The following PPARGC1A variants were observed in gnomAD, a reference collection of about 807,000 sequenced individuals.
The protein encoded by PPARGC1A is peroxisome proliferator-activated receptor gamma coactivator 1-alpha.
PPARGC1A carries 25 observed loss-of-function variants against 88.7 expected under a neutral mutation model. That is an observed-to-expected ratio of 0.28 (90% CI 0.21 to 0.39). PPARGC1A has a LOEUF of 0.39. Among genes scored for constraint, PPARGC1A ranks in the 10% least tolerant of loss-of-function variants. The pLI is 1.00. For missense variants in PPARGC1A, 880 were observed against 968.7 expected (o/e 0.91, Z 1.22); for synonymous variants, 363 against 355.6 (o/e 1.02, Z -0.24).
the PPARGC1A span, among the ~76,000 whole-genome samples, chr4:24,171,990 T>C: frequency 3.3e-5 from 5 of 152,246 alleles, no homozygotes; most frequent in African/African-American, 4.8e-5. Context: ...CTTTCCATAA[T>C]GTAAGTGTTC....
At chr4:23,844,116 G>T (rs960270814) in intron 2 of PPARGC1A, among the ~76,000 whole-genome samples, 2 of 150,494 alleles carry the variant, frequency 1.3e-5, no homozygotes, top group African/African-American at 4.9e-5. Context: ...TGAAAGGATG[G>T]CAGATAATAA....
the PPARGC1A span, among the ~76,000 whole-genome samples, chr4:24,037,762 G>T: frequency 6.6e-6 from 1 of 152,128 alleles, no homozygotes; most frequent in African/African-American, 2.4e-5. Flanking sequence ...ATGACATGCT[G>T]TGTAAATATA....
intron 10 of PPARGC1A, among the ~76,000 whole-genome samples, chr4:23,804,721 A>T (rs944174687): frequency 1.3e-5 from 2 of 152,100 alleles, no homozygotes; most frequent in Non-Finnish European, 2.9e-5. Context: ...AGCTTCTATT[A>T]GTCTAGTATA....
chr4:23,818,839 CTTTTTTTTT>C (rs762478316), intron 7 of PPARGC1A, among the ~76,000 whole-genome samples: 81 of 49,030 alleles, frequency 1.7e-3, no homozygotes, highest in African/African-American at 5.8e-3. Flanking sequence ...CCAATGGCAT[CTTTTTTTTT>C]TTTTTTTTTT....
the PPARGC1A span, among the ~76,000 whole-genome samples, chr4:24,439,677 G>A: frequency 6.6e-6 from 1 of 152,310 alleles, no homozygotes; most frequent in Admixed American, 6.5e-5. Flanking sequence ...ATTAGAAAGC[G>A]TCTCAACAGT....
At chr4:23,867,037 G>A (rs754171719) in intron 2 of PPARGC1A, among the ~76,000 whole-genome samples, 15 of 152,150 alleles carry the variant, frequency 9.9e-5, no homozygotes, top group Non-Finnish European at 1.6e-4. Flanking sequence ...GAGGTGGGAA[G>A]TGCAGTTTGC....
At chr4:23,895,968 GTGTGTGTGTGTGTATATATA>G (rs1483321280) in intron 1 of PPARGC1A, among the ~76,000 whole-genome samples, 45 of 47,648 alleles carry the variant, frequency 9.4e-4, no homozygotes, top group Non-Finnish European at 1.4e-3. Flanking sequence ...GTGTGTGTGT[GTGTGTGTGTGTGTATATATA>G]TATACACACA....
At chr4:24,274,615 C>T in the PPARGC1A span, among the ~76,000 whole-genome samples, 3 of 152,166 alleles carry the variant, frequency 2.0e-5, no homozygotes, top group East Asian at 5.8e-4. Context: ...TTTTATTCAA[C>T]CATTTAAACA....
chr4:24,090,925 A>G, the PPARGC1A span, among the ~76,000 whole-genome samples: 15 of 152,240 alleles, frequency 9.9e-5, no homozygotes, highest in African/African-American at 3.6e-4. Context: ...CTGCTTCTAC[A>G]CCAAAATGAA....
chr4:24,376,877 T>G, the PPARGC1A span, among the ~76,000 whole-genome samples: 2 of 152,188 alleles, frequency 1.3e-5, no homozygotes, highest in Admixed American at 1.3e-4. Context: ...AATGACTAAA[T>G]GTTGGTTATA....
chr4:23,905,578 T>C (rs1577714006), upstream of PPARGC1A, among the ~76,000 whole-genome samples: 1 of 152,186 alleles, frequency 6.6e-6, no homozygotes, highest in Non-Finnish European at 1.5e-5. Context: ...AGAATAAAAA[T>C]AAAAATAGTA....
the PPARGC1A span, among the ~76,000 whole-genome samples, chr4:24,109,714 G>T: frequency 6.6e-6 from 1 of 152,148 alleles, no homozygotes; most frequent in African/African-American, 2.4e-5. Context: ...GAGTAGTAGA[G>T]TGTCCCACAC....
chr4:24,213,342 A>G, the PPARGC1A span, among the ~76,000 whole-genome samples: 1 of 151,556 alleles, frequency 6.6e-6, no homozygotes, highest in Non-Finnish European at 1.5e-5. Flanking sequence ...AATTTTTTGT[A>G]TTTTTAGTAG....
the PPARGC1A span, among the ~76,000 whole-genome samples, chr4:24,265,888 A>G: frequency 6.7e-6 from 1 of 148,432 alleles, no homozygotes; most frequent in Non-Finnish European, 1.5e-5. Flanking sequence ...GGGAGGGAGG[A>G]AAAGGGGAAA....
the PPARGC1A span, among the ~76,000 whole-genome samples, chr4:24,118,373 A>G: frequency 5.9e-5 from 9 of 152,268 alleles, no homozygotes; most frequent in Non-Finnish European, 1.3e-4. Context: ...CAAACGTTAG[A>G]AGGTGCCACT....
At chr4:24,097,217 C>G in the PPARGC1A span, among the ~76,000 whole-genome samples, 1,031 of 152,244 alleles carry the variant, frequency 6.8e-3, 12 homozygotes, top group African/African-American at 0.024. Context: ...AAAGATGGTA[C>G]TTTACCCTGC....
the PPARGC1A span, among the ~76,000 whole-genome samples, chr4:23,917,546 A>C: frequency 6.6e-6 from 1 of 150,698 alleles, no homozygotes; most frequent in Admixed American, 6.6e-5. Flanking sequence ...GATGGTCTTG[A>C]TCTCCTGACC....
At chr4:24,206,465 T>A in the PPARGC1A span, among the ~76,000 whole-genome samples, 1 of 152,122 alleles carries the variant, frequency 6.6e-6, no homozygotes, top group African/African-American at 2.4e-5. Flanking sequence ...ACAATAATAT[T>A]TGCGCAGTAT....
intron 10 of PPARGC1A, among the ~76,000 whole-genome samples, chr4:23,809,699 G>A (rs567013367): frequency 2.4e-4 from 36 of 152,212 alleles, no homozygotes; most frequent in African/African-American, 8.4e-4. Flanking sequence ...GATAAATGAA[G>A]TATTTTACAC....
Sources: allele counts gnomAD v4.1 joint callset (sites outside exome capture counted in the v4.1 genomes callset), GRCh38; gene constraint gnomAD v4.1.1; transcripts MANE v1.5; gene names NCBI Gene and HGNC (gene_info 2026-07-23, HGNC 2026-07-21).